The following ZNFX1 variants were observed in gnomAD, a reference collection of about 807,000 sequenced individuals.
ZNFX1 encodes zinc finger NFX1-type containing 1, also known as NFX1-type zinc finger-containing protein 1.
In ZNFX1, 78 loss-of-function variants were observed where a neutral mutation model predicts 179.8. That is an observed-to-expected ratio of 0.43 (90% confidence interval 0.36 to 0.52). ZNFX1 has a LOEUF of 0.52. Ranked by LOEUF, ZNFX1 falls within the 20% of genes least tolerant of loss-of-function variation. ZNFX1 has a pLI of 0.00. For missense variants in ZNFX1, 1,927 were observed against 2,386.6 expected (o/e 0.81, Z 4.01); for synonymous variants, 848 against 868.5 (o/e 0.98, Z 0.42).
intron 12 of ZNFX1, among the ~76,000 whole-genome samples, chr20:49,252,362 G>C (rs971539039): frequency 1.3e-5 from 2 of 150,354 alleles, no homozygotes; most frequent in Non-Finnish European, 3.0e-5. Flanking sequence ...GGCTGGTCTC[G>C]AACTCCTGAC....
chr20:49,257,545 G>A lies in ZNFX1; in HGVS notation c.2536C>T (p.Pro846Ser). Reference sequence around the variant, plus strand: ...CTCTCTTCCTTCTTCCGCCGCTGGGGCCTCACCACCTCTTCCTCCTCAATC... The same window carrying A: ...CTCTCTTCCTTCTTCCGCCGCTGGGACCTCACCACCTCTTCCTCCTCAATC... ...RVIEEEEVVR[P>S]QRRKKEESGA... Residue 846 changes from proline to serine, a missense_variant, in exon 8 of 14, where the codon CCC (proline) becomes TCC (serine). By Grantham distance (74) the Pro-to-Ser change is moderately conservative. Transcript: ENST00000396105. The A allele has an allele frequency of 6.2e-7, 1 of 1,613,816 alleles. No individual in the cohort carries two copies. The highest frequency in any genetic ancestry group is 8.5e-7 in the Non-Finnish European group (1 of 1,179,988).
In ZNFX1 at chr20:49,270,254, C is replaced by T. The variant is rs566934958; in HGVS notation, c.1558G>A (p.Glu520Lys). 1 of 1,614,040 alleles carries T rather than the reference C, an allele frequency of 6.2e-7. No individual in the cohort carries two copies. Among genetic ancestry groups the T allele is most frequent in the South Asian group, 1.1e-5 (1 of 91,084 alleles). Residue 520 changes from glutamate (E) to lysine (K), a missense_variant, in exon 3 of 14, where the codon GAA becomes AAA. Coordinates refer to ENST00000396105, the MANE Select transcript of ZNFX1 (RefSeq NM_021035.3). This position sits in a 1 kb window ranked among gnomAD's most constrained non-coding sequence, Gnocchi z 4.6. ...AYFEAYRHVL[E>K]GLQEVQEEDV... ...TCCTCCTGGACCTCCTGGAGTCCTTCCAGGACGTGCCTGTAGGCCTCAAAG... is the reference window on the plus strand; with the variant it reads ...TCCTCCTGGACCTCCTGGAGTCCTTTCAGGACGTGCCTGTAGGCCTCAAAG...
intron 4 of ZNFX1, among the ~76,000 whole-genome samples, chr20:49,265,312 CAT>C (rs1357852924): frequency 6.6e-5 from 10 of 152,234 alleles, no homozygotes; most frequent in Non-Finnish European, 1.0e-4. Flanking sequence ...ACTGATTGCT[CAT>C]ATGTTTTAGG....
chr20:49,256,260 T>C (rs1028834548), intron 8 of ZNFX1, among the ~76,000 whole-genome samples: 4 of 152,178 alleles, frequency 2.6e-5, no homozygotes, highest in African/African-American at 9.7e-5. Flanking sequence ...CTTTATAGGA[T>C]TGTTGGCTTG....
Position 49,275,010 on chromosome 20 carries a change from C to G in ZNFX1, c.61+769G>C, listed in dbSNP as rs570117727. ...TGGTGGTGGGCACCTGTAATCCCAG[C>G]TACTTGGGAGGCTGAGGCAGGAGAA... is the stretch of plus-strand genomic sequence containing the variant. On this transcript the variant is annotated intron_variant, in intron 2 of 13. Transcript: ENST00000396105. Among the ~76,000 whole-genome samples the G allele has an allele frequency of 5.9e-5, 9 of 151,442 alleles. No individual in the cohort carries two copies. In the East Asian group the frequency reaches 1.8e-3, roughly 30 times the overall value.
At chr20:49,264,073 T>C (rs1215632072) in intron 5 of ZNFX1, among the ~76,000 whole-genome samples, 2 of 152,126 alleles carry the variant, frequency 1.3e-5, no homozygotes, top group Non-Finnish European at 2.9e-5. Context: ...AATACAAAAA[T>C]TAGCCAGGTG....
rs1302644477 is a variant in ZNFX1, at chr20:49,270,938, C to T, written c.874G>A (p.Glu292Lys). ...ASGVDIEEET[E>K]KNLEKVQTII... is the part of the protein sequence containing the mutation. ...GTCTGTACCTTTTCCAGGTTCTTCT[C>T]CGTTTCCTCTTCTATGTCAACACCA... The change falls in exon 3 of 14, where the codon GAG becomes AAG. Residue 292 changes from glutamate (E) to lysine (K), a missense_variant. Glu to Lys is a moderately conservative substitution (Grantham distance 56). Transcript: ENST00000396105. The surrounding 1 kb of genome is among the most constrained non-coding windows in gnomAD (Gnocchi z 4.6). The T allele has an allele frequency of 6.2e-7, 1 of 1,614,066 alleles. No individual in the cohort carries two copies. The highest frequency in any genetic ancestry group is 8.5e-7 in the Non-Finnish European group (1 of 1,180,050).
Position 49,257,563 on chromosome 20 carries a change from C to A in ZNFX1, c.2518G>T (p.Glu840Ter). The A allele has an allele frequency of 6.2e-7, 1 of 1,614,022 alleles. No individual in the cohort carries two copies. Among genetic ancestry groups the A allele is most frequent in the Non-Finnish European group, 8.5e-7 (1 of 1,180,026 alleles). ...CGCTGGGGCCTCACCACCTCTTCCT[C>A]CTCAATCACCCGGTCTGCTTGAATC... ...DLIQADRVIE[E>*]EEVVRPQRRK... The change falls in exon 8 of 14, where the codon GAG becomes TAG. Residue 840 changes from glutamate to a stop codon, truncating the protein, a stop_gained. Transcript: ENST00000396105. LOFTEE classifies it high-confidence loss of function.
At position 49,266,121 on chromosome 20, in the gene ZNFX1, C is replaced by A. The variant is rs1242847439; in HGVS notation, c.2002+14G>T. Reference sequence around the variant, plus strand: ...AACATCTTGATAGAGAACAAATTTGCCTATAAGTATTACCTTCCAGAAACT... The same window carrying A: ...AACATCTTGATAGAGAACAAATTTGACTATAAGTATTACCTTCCAGAAACT... On this transcript the variant is annotated intron_variant, in intron 4 of 13. Coordinates refer to ENST00000396105, the MANE Select transcript of ZNFX1 (RefSeq NM_021035.3). 2 of 1,602,946 alleles carry A rather than the reference C, an allele frequency of 1.2e-6. No homozygotes were observed. The highest frequency in any genetic ancestry group is 2.2e-5 in the East Asian group (1 of 44,764).
chr20:49,271,696 G>C lies in ZNFX1; in HGVS notation c.116C>G (p.Pro39Arg). 1 of 1,613,782 alleles carries C rather than the reference G, an allele frequency of 6.2e-7. No individual in the cohort carries two copies. The highest frequency in any genetic ancestry group is 8.5e-7 in the Non-Finnish European group (1 of 1,179,880). Residue 39 changes from proline to arginine, a missense_variant, in exon 3 of 14, where the codon CCA becomes CGA. Physicochemically the swap from Pro to Arg is moderately radical, Grantham distance 103 (BLOSUM62 -2). Coordinates refer to ENST00000396105, the MANE Select transcript of ZNFX1 (RefSeq NM_021035.3). ...PRARNQANNP[P>R]ANALRGGASH... is the part of the protein sequence containing the mutation. The stretch of plus-strand genomic sequence containing the variant: ...GGCTCCTCCTCGGAGAGCATTGGCT[G>C]GTGGGTTATTGGCCTGATTTCTAGC...
intron 5 of ZNFX1, 68 bp downstream of exon 5, chr20:49,264,648 A>T: frequency 4.4e-6 from 7 of 1,577,066 alleles, no homozygotes; most frequent in Non-Finnish European, 8.6e-7. Flanking sequence ...CTGCCTACCC[A>T]GAAAGCCACT....
Position 49,246,747 on chromosome 20 carries a change from TTTG to T in ZNFX1, c.*517_*519del. ...AATTTGCAGGAGAGAAGGGGTGAGA[TTTG>T]TTAACTTTGCTCTCAGTTCTGGAGA... On this transcript the variant is annotated 3_prime_UTR_variant, in exon 14 of 14. Transcript: ENST00000396105. 1 of 417,270 alleles carries T rather than the reference TTTG, an allele frequency of 2.4e-6. No homozygotes were observed. The highest frequency in any genetic ancestry group is 1.7e-5 in the South Asian group (1 of 57,836). The allele number at this position is 417,270 out of a possible 1,614,324, so 25.8% of individuals were successfully genotyped here. A position where few individuals can be genotyped will look rare whatever the true frequency, so the allele number is the denominator to read the frequency against.
intron 10 of ZNFX1, 150 bp downstream of exon 10, chr20:49,254,345 C>T: frequency 9.1e-7 from 1 of 1,101,972 alleles, no homozygotes; most frequent in Non-Finnish European, 1.3e-6. Context: ...TGAATTTCAC[C>T]AAGAGTTCTC....
chr20:49,260,161 G>A (rs1981077530), intron 7 of ZNFX1, among the ~76,000 whole-genome samples: 1 of 151,958 alleles, frequency 6.6e-6, no homozygotes, highest in Admixed American at 6.6e-5. Context: ...GCACTTGCCT[G>A]TAATGCCAGC....
At chr20:49,263,608 G>T in intron 5 of ZNFX1, 125 bp from the exon 6 acceptor site, 1 of 1,156,960 alleles carries the variant, frequency 8.6e-7, no homozygotes, top group Non-Finnish European at 1.2e-6. Context: ...AAATAGACTG[G>T]TCAACAAACC....
rs760916535 is a variant in ZNFX1, at chr20:49,248,040, C to T, written c.4984G>A (p.Glu1662Lys). ...GSAGEIATSQERLKALLERKS... is the reference protein window; with the variant it reads ...GSAGEIATSQKRLKALLERKS... Reference sequence around the variant, plus strand: ...CTCTCCAGCAGGGCCTTAAGCCGTTCCTGGCTGGTTGCTATTTCCCCTGCT... The same window carrying T: ...CTCTCCAGCAGGGCCTTAAGCCGTTTCTGGCTGGTTGCTATTTCCCCTGCT... Residue 1662 changes from glutamate (E) to lysine (K), a missense_variant, in exon 14 of 14, where the codon GAA becomes AAA. Physicochemically the swap from Glu to Lys is moderately conservative, Grantham distance 56. Coordinates refer to ENST00000396105, the MANE Select transcript of ZNFX1 (RefSeq NM_021035.3). This position sits in a 1 kb window ranked among gnomAD's most constrained non-coding sequence, Gnocchi z 4.6. 8.7e-6 allele frequency: 14 copies of T among 1,614,068 alleles called. No homozygotes were observed. The East Asian group carries it at 1.1e-4, about 13-fold the overall frequency.
intron 12 of ZNFX1, 89 bp downstream of exon 12, chr20:49,252,631 T>C: frequency 1.2e-6 from 1 of 832,220 alleles, no homozygotes; most frequent in South Asian, 1.5e-5. Context: ...ATTATTTTTA[T>C]TTATATGAGA....
At chr20:49,257,351 G>C (rs1303584359) in intron 8 of ZNFX1, 66 bp downstream of exon 8, 20 of 1,593,970 alleles carry the variant, frequency 1.3e-5, no homozygotes, top group Non-Finnish European at 1.7e-5. Context: ...TACTGTATCA[G>C]AAGTGGGGGA....
intron 8 of ZNFX1, among the ~76,000 whole-genome samples, chr20:49,256,484 C>T (rs1438591905): frequency 1.3e-5 from 2 of 152,172 alleles, no homozygotes; most frequent in Non-Finnish European, 2.9e-5. Context: ...CTACTGCCAT[C>T]GTATCAACAC....
Sources: allele counts gnomAD v4.1 joint callset (sites outside exome capture counted in the v4.1 genomes callset), GRCh38; gene constraint gnomAD v4.1.1; non-coding constraint Gnocchi (gnomAD v3.1); transcripts MANE v1.5; gene names NCBI Gene and HGNC (gene_info 2026-07-23, HGNC 2026-07-21).